INSYN2A: variants seen among roughly 807,000 people sequenced by gnomAD.
INSYN2A encodes inhibitory synaptic factor 2A.
In INSYN2A, 17 loss-of-function variants were observed where a neutral mutation model predicts 39.4. That is an observed-to-expected ratio of 0.43 (90% CI 0.30 to 0.65). INSYN2A has a LOEUF of 0.65. INSYN2A is among the 30% of genes least tolerant of loss of function. INSYN2A has a pLI of 0.14. For synonymous variants in INSYN2A, 255 were observed against 265.7 expected (o/e 0.96, Z 0.39); for missense variants, 595 against 631.2 (o/e 0.94, Z 0.61).
chr10:127,172,095 T>TC (rs1491495634), intron 4 of INSYN2A, among the ~76,000 whole-genome samples: 1 of 152,194 alleles, frequency 6.6e-6, no homozygotes, highest in Non-Finnish European at 1.5e-5. Context: ...TTTCCTGTTT[T>TC]CTTTTTTTGT....
At chr10:127,144,769 C>G (rs1425534695) in intron 5 of INSYN2A, among the ~76,000 whole-genome samples, 1 of 152,012 alleles carries the variant, frequency 6.6e-6, no homozygotes, top group Non-Finnish European at 1.5e-5. Context: ...AATGATTCAC[C>G]GTAACTTTGT....
In INSYN2A at chr10:127,176,388, C is replaced by G; in HGVS notation, c.8G>C (p.Ser3Thr). MVSKDTGKCILTT... is the reference protein window; with the variant it reads MVTKDTGKCILTT... ...GAGTATGCATTTGCCGGTGTCCTTA[C>G]TGACCATGGTTCCTGCATTCAGAAA... The change falls in exon 4 of 6, where the codon AGT (serine) becomes ACT (threonine). Residue 3 changes from serine to threonine, a missense_variant. Coordinates refer to ENST00000522781, the MANE Select transcript of INSYN2A (RefSeq NM_001039762.3). This position sits in a 1 kb window ranked among gnomAD's most constrained non-coding sequence, Gnocchi z 4.4. 2 of 1,604,346 alleles carry G rather than the reference C, an allele frequency of 1.2e-6. No homozygotes were observed. The highest frequency in any genetic ancestry group is 1.7e-6 in the Non-Finnish European group (2 of 1,176,134).
At chr10:127,184,467 C>A (rs2056037521) in intron 2 of INSYN2A, among the ~76,000 whole-genome samples, 2 of 151,942 alleles carry the variant, frequency 1.3e-5, no homozygotes, top group Admixed American at 6.6e-5. Flanking sequence ...CCTCAGCTCT[C>A]CATTCCCCCA....
At chr10:127,148,055 A>G (rs1277604641) in intron 5 of INSYN2A, among the ~76,000 whole-genome samples, 1 of 145,934 alleles carries the variant, frequency 6.9e-6, no homozygotes, top group African/African-American at 2.7e-5. Context: ...AAAAAAAAAA[A>G]AAAATTCCAC....
chr10:127,195,825 G>A (rs895043559), intron 1 of INSYN2A, among the ~76,000 whole-genome samples, 172 bp downstream of exon 1: 3 of 152,148 alleles, frequency 2.0e-5, no homozygotes, highest in African/African-American at 7.2e-5. Context: ...TCCGCTCCCG[G>A]CTGCACCGGG....
Position 127,136,911 on chromosome 10 carries a change from C to T in INSYN2A, c.*926G>A, listed in dbSNP as rs956398022. The T allele has an allele frequency of 3.9e-5, 6 of 152,490 alleles. No homozygotes were observed. The highest frequency in any genetic ancestry group is 1.4e-4 in the African/African-American group (6 of 41,420). 9.4% of individuals were successfully genotyped at this position (152,490 alleles called of 1,614,324 possible). On this transcript the variant is annotated 3_prime_UTR_variant, in exon 6 of 6. Coordinates refer to ENST00000522781, the MANE Select transcript of INSYN2A (RefSeq NM_001039762.3). ...CATGGCTAACAGTGTCTCGGAGGAT[C>T]GATCCACAAAAACACTGTCTGCCAT...
chr10:127,146,339 G>A (rs910960060), intron 5 of INSYN2A, among the ~76,000 whole-genome samples: 2 of 152,090 alleles, frequency 1.3e-5, no homozygotes, highest in African/African-American at 4.8e-5. Flanking sequence ...AAGTTTCCTA[G>A]CATCTAAATA....
chr10:127,185,701 G>T (rs1403787315), intron 2 of INSYN2A, among the ~76,000 whole-genome samples: 1 of 152,198 alleles, frequency 6.6e-6, no homozygotes, highest in Admixed American at 6.5e-5. Context: ...AGAAGGGATA[G>T]TTTTGTTCGT....
At chr10:127,169,383 C>A (rs1169833926) in intron 4 of INSYN2A, among the ~76,000 whole-genome samples, 3 of 152,210 alleles carry the variant, frequency 2.0e-5, no homozygotes, top group Non-Finnish European at 4.4e-5. Flanking sequence ...TTGGCAGAAA[C>A]CTTCTAAATG....
chr10:127,143,942 T>C (rs2051529692), intron 5 of INSYN2A, among the ~76,000 whole-genome samples: 2 of 152,154 alleles, frequency 1.3e-5, no homozygotes, highest in South Asian at 4.1e-4. Flanking sequence ...TCTCTGTCCT[T>C]CCAGACTCAG....
chr10:127,156,176 T>C (rs2053025710), intron 4 of INSYN2A, among the ~76,000 whole-genome samples: 1 of 152,172 alleles, frequency 6.6e-6, no homozygotes. Flanking sequence ...ACATCAACAC[T>C]CCTTCCTTGC....
intron 4 of INSYN2A, among the ~76,000 whole-genome samples, chr10:127,154,150 A>G (rs1325228013): frequency 6.6e-6 from 1 of 152,220 alleles, no homozygotes; most frequent in Admixed American, 6.5e-5. Flanking sequence ...AGTGAACATA[A>G]GCTCCTGGAT....
At chr10:127,190,223 G>A (rs2056618675) in intron 2 of INSYN2A, among the ~76,000 whole-genome samples, 1 of 152,202 alleles carries the variant, frequency 6.6e-6, no homozygotes, top group African/African-American at 2.4e-5. Flanking sequence ...GTTGAGTTTG[G>A]TGGTAAAGAA....
intron 5 of INSYN2A, among the ~76,000 whole-genome samples, chr10:127,139,644 C>T (rs1008910171): frequency 1.3e-5 from 2 of 152,164 alleles, no homozygotes; most frequent in African/African-American, 4.8e-5. Context: ...GCCTCAGTTC[C>T]GTGATGTGGT....
intron 4 of INSYN2A, among the ~76,000 whole-genome samples, chr10:127,154,798 CT>C (rs1437649030): frequency 2.0e-5 from 3 of 152,066 alleles, no homozygotes; most frequent in African/African-American, 7.2e-5. Flanking sequence ...TGGGGTCTTT[CT>C]GTAGTATATT....
Position 127,176,070 on chromosome 10 carries a change from G to C in INSYN2A, c.326C>G (p.Pro109Arg). The C allele has an allele frequency of 1.2e-6, 2 of 1,614,044 alleles. No individual in the cohort carries two copies. Among genetic ancestry groups the C allele is most frequent in the South Asian group, 2.2e-5 (2 of 91,074 alleles). Residue 109 changes from proline to arginine, a missense_variant, in exon 4 of 6, where the codon CCC (proline) becomes CGC (arginine). Pro to Arg is a moderately radical substitution (Grantham distance 103). Around this residue, in one of 2 missense-constraint regions of INSYN2A, gnomAD observed 478 missense variants for 467.4 expected, o/e 1.02. Coordinates refer to ENST00000522781, the MANE Select transcript of INSYN2A (RefSeq NM_001039762.3). This position sits in a 1 kb window ranked among gnomAD's most constrained non-coding sequence, Gnocchi z 4.4. The part of the protein sequence containing the change: ...VTKSTGVQTS[P>R]DLKKCYQTFP... ...CGTCTGGTAACACTTCTTAAGGTCG[G>C]GCGAGGTCTGCACGCCTGTGCTCTT...
chr10:127,172,062 G>A (rs1271390973), intron 4 of INSYN2A, among the ~76,000 whole-genome samples: 1 of 152,186 alleles, frequency 6.6e-6, no homozygotes, highest in African/African-American at 2.4e-5. Flanking sequence ...TAATAACTAT[G>A]TATCAGTGTA....
At chr10:127,187,422 A>G (rs574359948) in intron 2 of INSYN2A, among the ~76,000 whole-genome samples, 1 of 152,340 alleles carries the variant, frequency 6.6e-6, no homozygotes, top group East Asian at 1.9e-4. Flanking sequence ...AAAGGAAAAC[A>G]TAAATCTTTC....
intron 1 of INSYN2A, among the ~76,000 whole-genome samples, chr10:127,194,363 C>G (rs2056953768): frequency 6.6e-6 from 1 of 152,164 alleles, no homozygotes; most frequent in African/African-American, 2.4e-5. Flanking sequence ...GGCAGGACTT[C>G]CATTTTTTCT....
Sources: allele counts gnomAD v4.1 joint callset (sites outside exome capture counted in the v4.1 genomes callset), GRCh38; gene constraint gnomAD v4.1.1; regional missense constraint gnomAD v4.1.1; non-coding constraint Gnocchi (gnomAD v3.1); transcripts MANE v1.5; gene names NCBI Gene and HGNC (gene_info 2026-07-23, HGNC 2026-07-21).